The following BABAM2 variants were observed in gnomAD, a reference collection of about 807,000 sequenced individuals.
The protein encoded by BABAM2 is BRISC and BRCA1-A complex member 2.
In BABAM2, 31 loss-of-function variants were observed where a neutral mutation model predicts 54.7. The observed-to-expected ratio is 0.57, with a 90% CI of 0.43 to 0.77. The LOEUF (loss-of-function observed/expected upper bound fraction) is 0.77. Among genes scored for constraint, BABAM2 ranks in the 30% least tolerant of loss-of-function variants. BABAM2 has a pLI of 0.00. For missense variants in BABAM2, 364 were observed against 455.8 expected (o/e 0.80, Z 1.83); for synonymous variants, 167 against 162.9 (o/e 1.03, Z -0.19).
chr2:27,967,606 C>G (rs1670919406), intron 3 of BABAM2, among the ~76,000 whole-genome samples: 1 of 152,108 alleles, frequency 6.6e-6, no homozygotes, highest in Admixed American at 6.5e-5. Context: ...AACTGGGTAA[C>G]AGGCAGAGAT....
chr2:28,162,337 A>G (rs895195170), intron 7 of BABAM2, among the ~76,000 whole-genome samples: 6 of 152,184 alleles, frequency 3.9e-5, no homozygotes, highest in Non-Finnish European at 7.3e-5. Context: ...CGGTTAAAGT[A>G]GAGACTCCAA....
intron 11 of BABAM2, among the ~76,000 whole-genome samples, chr2:28,324,812 G>A (rs931378853): frequency 9.9e-5 from 15 of 151,970 alleles, no homozygotes; most frequent in African/African-American, 2.9e-4. Context: ...TCTCAAGAAA[G>A]AAAAGAAAAG....
intron 7 of BABAM2, among the ~76,000 whole-genome samples, chr2:28,204,187 T>A (rs759693795): frequency 4.6e-5 from 7 of 152,252 alleles, no homozygotes; most frequent in Admixed American, 4.6e-4. Flanking sequence ...ATCTTTTCCC[T>A]ATAAGTTACC....
At chr2:27,900,141 T>C (rs1665665138) in intron 2 of BABAM2, among the ~76,000 whole-genome samples, 1 of 152,180 alleles carries the variant, frequency 6.6e-6, no homozygotes, top group South Asian at 2.1e-4. Flanking sequence ...CAGACACAGT[T>C]ATGAGTGGTA....
At chr2:27,981,904 C>A (rs1672028172) in intron 3 of BABAM2, among the ~76,000 whole-genome samples, 1 of 152,058 alleles carries the variant, frequency 6.6e-6, no homozygotes, top group South Asian at 2.1e-4. Flanking sequence ...GATGGTAGCT[C>A]TATGTTTAAC....
chr2:28,337,716 G>T (rs1254117718), intron 11 of BABAM2, among the ~76,000 whole-genome samples: 3 of 152,258 alleles, frequency 2.0e-5, no homozygotes, highest in African/African-American at 7.2e-5. Flanking sequence ...TGGGTGTGGT[G>T]GCTCAGGCCT....
intron 10 of BABAM2, among the ~76,000 whole-genome samples, chr2:28,289,808 G>A (rs1360129736): frequency 6.6e-6 from 1 of 151,812 alleles, no homozygotes; most frequent in Non-Finnish European, 1.5e-5. Flanking sequence ...AAAAAGAAAG[G>A]AAAGGAAAGG....
At chr2:28,312,723 G>T (rs1689184862) in intron 11 of BABAM2, among the ~76,000 whole-genome samples, 1 of 151,976 alleles carries the variant, frequency 6.6e-6, no homozygotes, top group Non-Finnish European at 1.5e-5. Context: ...GACAGTGGGG[G>T]CCAGTCACAG....
At chr2:27,918,694 T>C (rs1017870090) in intron 2 of BABAM2, among the ~76,000 whole-genome samples, 2 of 152,160 alleles carry the variant, frequency 1.3e-5, no homozygotes, top group Non-Finnish European at 2.9e-5. Context: ...ACTTACAACT[T>C]TTCATTATGA....
At chr2:28,263,131 CAAA>C (rs539550619) in intron 10 of BABAM2, among the ~76,000 whole-genome samples, 4 of 97,806 alleles carry the variant, frequency 4.1e-5, no homozygotes, top group African/African-American at 8.3e-5. Context: ...GACACTGTCT[CAAA>C]AAAAAAAAAA....
intron 7 of BABAM2, among the ~76,000 whole-genome samples, chr2:28,132,428 A>G (rs6720961): frequency 0.46 from 70,505 of 151,824 alleles, 17,604 homozygotes; most frequent in Middle Eastern, 0.6. Flanking sequence ...GTGAGCCACC[A>G]CGCCTGGCCT....
intron 6 of BABAM2, among the ~76,000 whole-genome samples, chr2:28,101,194 G>A (rs1558335502): frequency 6.6e-6 from 1 of 152,130 alleles, no homozygotes; most frequent in Non-Finnish European, 1.5e-5. Flanking sequence ...AGTAAGCGAT[G>A]AAGCTATGAT....
intron 4 of BABAM2, chr2:28,016,322 C>G: frequency 5.5e-6 from 6 of 1,086,940 alleles, no homozygotes; most frequent in Non-Finnish European, 8.4e-6. Context: ...ACTCTTGGAG[C>G]CTTTCTTTTT....
intron 2 of BABAM2, among the ~76,000 whole-genome samples, chr2:27,910,979 G>A (rs1443679646): frequency 1.3e-5 from 2 of 152,138 alleles, no homozygotes; most frequent in Non-Finnish European, 2.9e-5. Flanking sequence ...CCGTGCTGCT[G>A]TTCTTGTGAT....
At chr2:28,020,638 G>A (rs993640154) in intron 4 of BABAM2, among the ~76,000 whole-genome samples, 3 of 151,992 alleles carry the variant, frequency 2.0e-5, no homozygotes, top group Non-Finnish European at 4.4e-5. Context: ...AGTATTTTCT[G>A]TGTTATTGCA....
chr2:28,240,738 C>T (rs530853431), intron 8 of BABAM2, among the ~76,000 whole-genome samples: 9 of 151,848 alleles, frequency 5.9e-5, no homozygotes, highest in Middle Eastern at 3.4e-3. Context: ...GGCATAGTGG[C>T]GGACTCCTAT....
At chr2:27,914,948 T>C (rs1181083686) in intron 2 of BABAM2, among the ~76,000 whole-genome samples, 2 of 152,100 alleles carry the variant, frequency 1.3e-5, no homozygotes, top group South Asian at 2.1e-4. Flanking sequence ...GTTTCTCTGA[T>C]GGCTCTGTCT....
At chr2:28,256,230 T>C (rs918483219) in intron 10 of BABAM2, among the ~76,000 whole-genome samples, 2 of 152,186 alleles carry the variant, frequency 1.3e-5, no homozygotes, top group African/African-American at 4.8e-5. Context: ...GCATATCTAA[T>C]AACCACCATA....
chr2:28,047,048 A>G (rs1325440549), intron 6 of BABAM2, among the ~76,000 whole-genome samples: 1 of 152,198 alleles, frequency 6.6e-6, no homozygotes, highest in African/African-American at 2.4e-5. Flanking sequence ...CCATCTAAAG[A>G]GGAAAATTAT....
Sources: allele counts gnomAD v4.1 joint callset (sites outside exome capture counted in the v4.1 genomes callset), GRCh38; gene constraint gnomAD v4.1.1; transcripts MANE v1.5; gene names NCBI Gene and HGNC (gene_info 2026-07-23, HGNC 2026-07-21).